The following MND1 variants were observed in gnomAD, a reference collection of about 807,000 sequenced individuals.
MND1 encodes the protein meiotic nuclear division protein 1 homolog.
Under a neutral mutation model 35.1 loss-of-function variants are expected in MND1, and 28 were observed. The observed-to-expected ratio is 0.80, with a 90% CI of 0.59 to 1.09. MND1 has a LOEUF of 1.09. Among genes scored for constraint, MND1 ranks in the 50% least tolerant of loss-of-function variants. MND1 has a pLI of 0.00. For missense variants in MND1, 213 were observed against 239.6 expected (o/e 0.89, Z 0.73); for synonymous variants, 69 against 70.5 (o/e 0.98, Z 0.11).
chr4:153,358,777 A>G (rs1012969411), intron 4 of MND1, among the ~76,000 whole-genome samples, 155 bp downstream of exon 4: 6 of 152,238 alleles, frequency 3.9e-5, no homozygotes, highest in Non-Finnish European at 7.3e-5. Flanking sequence ...CCTAAACAAT[A>G]TGAGGAACTT....
At chr4:153,385,332 CA>C (rs1410625261) in intron 4 of MND1, among the ~76,000 whole-genome samples, 1 of 152,100 alleles carries the variant, frequency 6.6e-6, no homozygotes, top group African/African-American at 2.4e-5. Flanking sequence ...TGCATTGTAA[CA>C]GTTAAAATAT....
chr4:153,391,081 T>C (rs1259108303), intron 4 of MND1, among the ~76,000 whole-genome samples: 1 of 152,156 alleles, frequency 6.6e-6, no homozygotes, highest in Admixed American at 6.5e-5. Context: ...TGGAAAAAAT[T>C]ATTTACTCCT....
At chr4:153,407,690 C>T (rs969798029) in intron 6 of MND1, among the ~76,000 whole-genome samples, 11 of 152,088 alleles carry the variant, frequency 7.2e-5, no homozygotes, top group Non-Finnish European at 5.9e-5. Flanking sequence ...TAAAATAGTA[C>T]TTCGCATAAA....
intron 4 of MND1, among the ~76,000 whole-genome samples, chr4:153,360,770 CATATACACATATATACACATATATTCAT>C (rs1773467624): frequency 6.7e-6 from 1 of 149,456 alleles, no homozygotes; most frequent in Non-Finnish European, 1.5e-5. Flanking sequence ...CACACATATA[CATATACACATATATACACATATATTCAT>C]ATATACACAT....
chr4:153,357,577 T>A (rs1430452252), intron 3 of MND1, among the ~76,000 whole-genome samples: 2 of 152,208 alleles, frequency 1.3e-5, no homozygotes, highest in Non-Finnish European at 2.9e-5. Flanking sequence ...GGAAGTGGTG[T>A]TGCTGTCTCA....
chr4:153,383,293 G>A (rs1469527099), intron 4 of MND1, among the ~76,000 whole-genome samples: 1 of 152,176 alleles, frequency 6.6e-6, no homozygotes, highest in African/African-American at 2.4e-5. Context: ...AGGAAATTGG[G>A]GGCAAACAGA....
chr4:153,396,351 T>A (rs1729197341), intron 5 of MND1, among the ~76,000 whole-genome samples: 4 of 152,082 alleles, frequency 2.6e-5, no homozygotes, highest in Admixed American at 2.6e-4. Context: ...CTTGTACAAA[T>A]GCTAGCAAAG....
At chr4:153,414,172 C>G (rs1029444834) in intron 7 of MND1, among the ~76,000 whole-genome samples, 9 of 152,158 alleles carry the variant, frequency 5.9e-5, no homozygotes, top group Non-Finnish European at 8.8e-5. Context: ...GAAGAGACAC[C>G]ATTAACCTGT....
chr4:153,393,924 C>CTTTTTTTTTT (rs36028750), intron 4 of MND1, among the ~76,000 whole-genome samples: 901 of 56,502 alleles, frequency 0.016, 37 homozygotes, highest in Non-Finnish European at 0.02. Context: ...ACTTTGTTTT[C>CTTTTTTTTTT]TTTTTTTTTT....
At chr4:153,402,685 C>T (rs1336240865) in intron 6 of MND1, among the ~76,000 whole-genome samples, 1 of 152,118 alleles carries the variant, frequency 6.6e-6, no homozygotes, top group Non-Finnish European at 1.5e-5. Context: ...TGGTGGTTCC[C>T]TGGAGGACAC....
At chr4:153,405,948 C>A (rs756998290) in intron 6 of MND1, among the ~76,000 whole-genome samples, 1 of 151,994 alleles carries the variant, frequency 6.6e-6, no homozygotes, top group African/African-American at 2.4e-5. Context: ...GGACTACAGG[C>A]GCCCACCACC....
intron 6 of MND1, among the ~76,000 whole-genome samples, chr4:153,402,465 C>T (rs1166194539): frequency 6.6e-6 from 1 of 152,192 alleles, no homozygotes; most frequent in Non-Finnish European, 1.5e-5. Flanking sequence ...TAACCAAAGG[C>T]TTACAGGAGC....
chr4:153,345,411 G>A, intron 1 of MND1: 1 of 985,562 alleles, frequency 1.0e-6, no homozygotes, highest in Non-Finnish European at 1.2e-6. Context: ...CTGCTCTTGT[G>A]CCGGGTGCTG....
intron 1 of MND1, among the ~76,000 whole-genome samples, chr4:153,347,837 A>G (rs1414762944): frequency 6.6e-6 from 1 of 152,124 alleles, no homozygotes; most frequent in Non-Finnish European, 1.5e-5. Flanking sequence ...TTGTATTACA[A>G]GTTGCTTAGG....
At chr4:153,389,574 T>G (rs1728964002) in intron 4 of MND1, among the ~76,000 whole-genome samples, 1 of 152,184 alleles carries the variant, frequency 6.6e-6, no homozygotes, top group Non-Finnish European at 1.5e-5. Context: ...TTGGTCAGGC[T>G]GGTCTCGAAC....
chr4:153,382,770 T>G (rs1463319369), intron 4 of MND1, among the ~76,000 whole-genome samples: 1 of 152,220 alleles, frequency 6.6e-6, no homozygotes, highest in Non-Finnish European at 1.5e-5. Flanking sequence ...TTAAAGGAAC[T>G]GAATAACATT....
chr4:153,365,238 TGTA>T (rs1773599553), intron 4 of MND1, among the ~76,000 whole-genome samples: 1 of 152,322 alleles, frequency 6.6e-6, no homozygotes, highest in East Asian at 1.9e-4. Flanking sequence ...TTCTAGATTT[TGTA>T]GTAGGAGTTA....
intron 4 of MND1, among the ~76,000 whole-genome samples, chr4:153,368,262 C>T (rs1020943128): frequency 1.1e-4 from 17 of 152,060 alleles, no homozygotes; most frequent in African/African-American, 4.1e-4. Flanking sequence ...TCTCAGAAAC[C>T]TCCTCAAGCT....
intron 1 of MND1, among the ~76,000 whole-genome samples, chr4:153,345,791 C>G (rs1043726508): frequency 6.6e-6 from 1 of 151,610 alleles, no homozygotes; most frequent in African/African-American, 2.4e-5. Context: ...AAACTAACAA[C>G]CCAGCCACCT....
Sources: allele counts gnomAD v4.1 joint callset (sites outside exome capture counted in the v4.1 genomes callset), GRCh38; gene constraint gnomAD v4.1.1; transcripts MANE v1.5; gene names NCBI Gene and HGNC (gene_info 2026-07-23, HGNC 2026-07-21).